Variants in DNAH14 observed in about 807,000 individuals in gnomAD.
The protein encoded by DNAH14 is axonemal beta dynein heavy chain 14.
DNAH14 carries 478 observed loss-of-function variants against 520.9 expected under a neutral mutation model. The ratio of observed to expected loss-of-function variants is 0.92; its 90% CI spans 0.85 to 0.99. The LOEUF is 0.99. DNAH14 is among the 50% of genes least tolerant of loss of function. The pLI is 0.00. For missense variants in DNAH14, 4,831 were observed against 5,234.5 expected, an observed-to-expected ratio of 0.92 and a Z score of 2.38; for synonymous variants, 1,581 against 1,757.2, an observed-to-expected ratio of 0.90 and a Z score of 2.51.
chr1:225,162,092 C>T (rs192993517), intron 35 of DNAH14, among the ~76,000 whole-genome samples: 139 of 152,202 alleles, frequency 9.1e-4, no homozygotes, highest in Admixed American at 1.8e-3. Flanking sequence ...AGACCAATGT[C>T]CTAGACATTT....
chr1:225,007,766 A>G (rs1406834458), intron 10 of DNAH14, among the ~76,000 whole-genome samples: 6 of 151,962 alleles, frequency 3.9e-5, no homozygotes, highest in Non-Finnish European at 4.4e-5. Context: ...GTGAATGCAT[A>G]TATGTGTATA....
At chr1:225,153,914 T>A in intron 34 of DNAH14, 88 bp downstream of exon 34, 2 of 964,854 alleles carry the variant, frequency 2.1e-6, no homozygotes, top group Non-Finnish European at 3.1e-6. Context: ...GATGCCAAGT[T>A]AAAACAGGGA....
chr1:225,324,086 G>T, intron 62 of DNAH14, 136 bp from the exon 63 acceptor site: 1 of 1,083,518 alleles, frequency 9.2e-7, no homozygotes, highest in Non-Finnish European at 1.3e-6. Flanking sequence ...AAAGTGCTGG[G>T]TTTATAGGCA....
chr1:225,335,339 A>ACG (rs2094928110), intron 66 of DNAH14, among the ~76,000 whole-genome samples: 1 of 86,726 alleles, frequency 1.2e-5, no homozygotes. Context: ...ACGTGTGTAC[A>ACG]TGTGTGTGTA....
At chr1:225,008,393 A>G (rs1352859925) in intron 10 of DNAH14, among the ~76,000 whole-genome samples, 3 of 152,134 alleles carry the variant, frequency 2.0e-5, no homozygotes, top group East Asian at 1.9e-4. Context: ...ATACGTGTGC[A>G]TGAGTCTTTA....
rs1411777372 is a variant in DNAH14, at chr1:225,389,845, C to A, written c.13302C>A (p.Tyr4434Ter). 6.4e-7 allele frequency: 1 copy of A among 1,551,740 alleles called. No individual in the cohort carries two copies. Among genetic ancestry groups the A allele is most frequent in the South Asian group, 1.2e-5 (1 of 84,058 alleles). The change falls in exon 83 of 86, where the codon TAC becomes TAA. Residue 4434 changes from tyrosine to a stop codon, truncating the protein, a stop_gained. Coordinates refer to ENST00000682510, the MANE Select transcript of DNAH14 (RefSeq NM_001367479.1). LOFTEE classifies it high-confidence loss of function. The stretch of plus-strand genomic sequence containing the variant: ...TCTTTGAAGGGTTTCCTTCAAGATA[C>A]TGGCTCCCAGCTTTCTTCTTTCCAC... Reference protein sequence around the residue: ...NNFFEGFPSRYWLPAFFFPQA... With the variant: ...NNFFEGFPSR
intron 77 of DNAH14, 83 bp downstream of exon 77, chr1:225,368,115 TGA>T (rs1185019688): frequency 8.4e-7 from 1 of 1,195,254 alleles, no homozygotes; most frequent in Non-Finnish European, 1.2e-6. Flanking sequence ...TACACAAATG[TGA>T]GTGTTTTACA....
At position 225,294,866 on chromosome 1, in the gene DNAH14, C is replaced by A. The variant is rs1016886196; in HGVS notation, c.8469+4784C>A. Among the ~76,000 whole-genome samples the A allele has an allele frequency of 5.3e-5, 8 of 151,616 alleles. No individual in the cohort carries two copies. In the South Asian group the frequency reaches 1.0e-3, roughly 20 times the overall value. ...GGTAGAATTCAGCAGTGAGGCCATC[C>A]AGTAGTGGATTTTTTGTTGTTGTTG... On this transcript the variant is annotated intron_variant, in intron 55 of 85. Transcript: ENST00000682510.
chr1:225,277,552 A>G (rs192683466), intron 54 of DNAH14, 50 bp downstream of exon 54: 1 of 461,846 alleles, frequency 2.2e-6, no homozygotes, highest in East Asian at 7.0e-5. Context: ...AATAAAATAA[A>G]TCCCAATAAA....
intron 52 of DNAH14, 77 bp from the exon 53 acceptor site, chr1:225,275,837 A>G (rs370445321): frequency 1.0e-4 from 22 of 212,436 alleles, no homozygotes; most frequent in East Asian, 4.5e-4. Flanking sequence ...TCTCCAACAC[A>G]GATATATGCT....
chr1:225,109,585 C>T (rs2076332591), intron 23 of DNAH14, among the ~76,000 whole-genome samples: 1 of 151,888 alleles, frequency 6.6e-6, no homozygotes, highest in Non-Finnish European at 1.5e-5. Flanking sequence ...ACTTGTTTAT[C>T]AGTTCTAATA....
At chr1:224,951,579 A>G (rs998988411) in intron 1 of DNAH14, among the ~76,000 whole-genome samples, 4 of 151,384 alleles carry the variant, frequency 2.6e-5, no homozygotes, top group Non-Finnish European at 5.9e-5. Flanking sequence ...AGTCTCGTCA[A>G]TAGGTAGACT....
intron 77 of DNAH14, among the ~76,000 whole-genome samples, chr1:225,374,268 ATAT>A (rs1267311056): frequency 1.0e-4 from 5 of 49,850 alleles, no homozygotes; most frequent in African/African-American, 3.8e-4. Context: ...ATATATATAT[ATAT>A]TTTTTTTTGA....
At chr1:225,187,673 A>G (rs1356339736) in intron 37 of DNAH14, among the ~76,000 whole-genome samples, 1 of 151,854 alleles carries the variant, frequency 6.6e-6, no homozygotes, top group Non-Finnish European at 1.5e-5. Context: ...ATTCTAGCGG[A>G]TGCGAAATAC....
chr1:225,354,334 C>G (rs2095407005), intron 73 of DNAH14: 1 of 686,116 alleles, frequency 1.5e-6, no homozygotes. Context: ...ATACCTAAAC[C>G]ACATCCACCA....
intron 15 of DNAH14, among the ~76,000 whole-genome samples, chr1:225,049,986 C>T (rs2068385014): frequency 6.6e-6 from 1 of 152,130 alleles, no homozygotes; most frequent in South Asian, 2.1e-4. Context: ...AATCATGCCT[C>T]CCATCACCTC....
At chr1:225,216,776 T>A (rs2089404413) in intron 41 of DNAH14, among the ~76,000 whole-genome samples, 1 of 152,202 alleles carries the variant, frequency 6.6e-6, no homozygotes, top group Non-Finnish European at 1.5e-5. Flanking sequence ...CTACACTGTT[T>A]ATTCTAGTTA....
chr1:225,274,354 G>A (rs1401165994), intron 52 of DNAH14, among the ~76,000 whole-genome samples: 2 of 151,764 alleles, frequency 1.3e-5, no homozygotes, highest in Non-Finnish European at 2.9e-5. Context: ...ACAGGCGCCC[G>A]CCACTGCGCC....
intron 46 of DNAH14, among the ~76,000 whole-genome samples, chr1:225,263,402 G>GGAATCATC (rs1558194631): frequency 6.6e-6 from 1 of 151,774 alleles, no homozygotes; most frequent in African/African-American, 2.4e-5. Flanking sequence ...CTGAGACCTA[G>GGAATCATC]GAATCATCTT....
Sources: allele counts gnomAD v4.1 joint callset (sites outside exome capture counted in the v4.1 genomes callset), GRCh38; gene constraint gnomAD v4.1.1; transcripts MANE v1.5; gene names NCBI Gene and HGNC (gene_info 2026-07-23, HGNC 2026-07-21).